Variants in MAP3K5 observed in about 807,000 individuals in gnomAD.
The protein encoded by MAP3K5 is mitogen-activated protein kinase kinase kinase 5, also known as ASK-1.
MAP3K5 carries 56 observed loss-of-function variants against 158.7 expected under a neutral mutation model. That is an observed-to-expected ratio of 0.35 (90% CI 0.28 to 0.44). The LOEUF (loss-of-function observed/expected upper bound fraction) is 0.44, where lower values mean the gene tolerates loss of function less well. Among genes scored for constraint, MAP3K5 ranks in the 20% least tolerant of loss-of-function variants. The probability of loss-of-function intolerance (pLI) is 1.00; values close to 1 mark genes in which losing one functional copy is unlikely to be tolerated. For missense variants in MAP3K5, 1,294 were observed against 1,674.8 expected (o/e 0.77, Z 3.97); for synonymous variants, 579 against 601.7 (o/e 0.96, Z 0.55).
chr6:136,567,990 G>T, intron 25 of MAP3K5, 116 bp from the exon 26 acceptor site: 1 of 1,168,592 alleles, frequency 8.6e-7, no homozygotes, highest in Non-Finnish European at 1.2e-6. Flanking sequence ...ATTCCAAACT[G>T]CTTTTCCAAA....
intron 11 of MAP3K5, among the ~76,000 whole-genome samples, chr6:136,649,124 C>T (rs572659078): frequency 2.0e-4 from 31 of 152,278 alleles, no homozygotes; most frequent in African/African-American, 7.5e-4. Flanking sequence ...CAAGTGCCAC[C>T]ACGCCCGGCT....
intron 15 of MAP3K5, among the ~76,000 whole-genome samples, chr6:136,617,980 C>A (rs1409734159): frequency 6.6e-6 from 1 of 152,056 alleles, no homozygotes; most frequent in Non-Finnish European, 1.5e-5. Flanking sequence ...TGTAGAATAT[C>A]AGAAGAGAAA....
chr6:136,706,004 T>C (rs965664643), intron 2 of MAP3K5, among the ~76,000 whole-genome samples: 53 of 152,192 alleles, frequency 3.5e-4, no homozygotes, highest in African/African-American at 1.3e-3. Context: ...ATGCCTGTAA[T>C]CCCAGCACTT....
chr6:136,730,048 C>G (rs779067455), intron 1 of MAP3K5, among the ~76,000 whole-genome samples: 1 of 152,208 alleles, frequency 6.6e-6, no homozygotes, highest in Non-Finnish European at 1.5e-5. Context: ...TCACGGCTCA[C>G]TGCAGCCTCC....
chr6:136,733,363 C>G (rs968123601), intron 1 of MAP3K5, among the ~76,000 whole-genome samples: 1 of 152,212 alleles, frequency 6.6e-6, no homozygotes, highest in Admixed American at 6.5e-5. Context: ...AATACTGTCA[C>G]TGGGTTGTCT....
At chr6:136,596,225 G>A (rs185421687) in intron 21 of MAP3K5, among the ~76,000 whole-genome samples, 1 of 152,162 alleles carries the variant, frequency 6.6e-6, no homozygotes, top group Non-Finnish European at 1.5e-5. Flanking sequence ...GCAGCCATGA[G>A]GTTGGAGGAA....
At chr6:136,684,228 T>TA (rs888021894) in intron 7 of MAP3K5, among the ~76,000 whole-genome samples, 13 of 148,848 alleles carry the variant, frequency 8.7e-5, no homozygotes, top group East Asian at 2.0e-4. Flanking sequence ...ATTTTTTTTT[T>TA]AAAAAAAAAA....
chr6:136,615,699 C>T (rs1776532642), intron 15 of MAP3K5, among the ~76,000 whole-genome samples: 1 of 152,088 alleles, frequency 6.6e-6, no homozygotes, highest in African/African-American at 2.4e-5. Flanking sequence ...AAAGCAATTC[C>T]TCGAGATATA....
At chr6:136,700,465 T>C (rs1780804330) in intron 3 of MAP3K5, among the ~76,000 whole-genome samples, 1 of 152,196 alleles carries the variant, frequency 6.6e-6, no homozygotes, top group Non-Finnish European at 1.5e-5. Flanking sequence ...GTGGTATCAT[T>C]AACAGAAAGC....
At chr6:136,655,895 G>A (rs187470018) in intron 10 of MAP3K5, among the ~76,000 whole-genome samples, 113 of 152,218 alleles carry the variant, frequency 7.4e-4, no homozygotes, top group African/African-American at 2.6e-3. Flanking sequence ...ATGGGTGGTG[G>A]GGATGGGATA....
intron 27 of MAP3K5, among the ~76,000 whole-genome samples, chr6:136,562,036 T>C (rs1195442353): frequency 6.6e-6 from 1 of 152,198 alleles, no homozygotes; most frequent in East Asian, 1.9e-4. Context: ...TCTAAACAAA[T>C]AACTATGAAT....
At chr6:136,634,648 C>T (rs1473942596) in intron 14 of MAP3K5, among the ~76,000 whole-genome samples, 2 of 150,424 alleles carry the variant, frequency 1.3e-5, no homozygotes, top group African/African-American at 2.5e-5. Flanking sequence ...GGTGCGATCT[C>T]GGCTCACTGC....
rs1356428959 is a variant in MAP3K5 at position 136,746,324 on chromosome 6, T to C, written c.449-25735A>G. 2.0e-5 allele frequency among the ~76,000 whole-genome samples: 3 copies of C among 152,202 alleles called. No homozygotes were observed. In the East Asian group the frequency reaches 5.8e-4, roughly 29 times the overall value. ...GAAAATACAAATACGTTCATGTCTG[T>C]AGGTCTGTGAAAAACGATACAGGTG... On this transcript the variant is annotated intron_variant, in intron 1 of 29. Coordinates refer to ENST00000359015, the MANE Select transcript of MAP3K5 (RefSeq NM_005923.4).
intron 1 of MAP3K5, among the ~76,000 whole-genome samples, chr6:136,754,957 C>T (rs6925296): frequency 0.049 from 7,530 of 152,142 alleles, 621 homozygotes; most frequent in African/African-American, 0.17. Context: ...AGGTTGTCGT[C>T]TCCTCCTCAA....
chr6:136,570,608 A>T (rs9376202), intron 25 of MAP3K5, among the ~76,000 whole-genome samples: 3,165 of 152,298 alleles, frequency 0.021, 57 homozygotes, highest in East Asian at 0.073. Context: ...GTTTACATAG[A>T]CCTGGCTTTC....
chr6:136,695,937 C>G lies in MAP3K5; in HGVS notation c.1082+14G>C. On this transcript the variant is annotated intron_variant, in intron 6 of 29. Transcript: ENST00000359015. ...TATGTTAACGCATTCTGGAAGGGAA[C>G]TTTTTCTTCTTACCTATTCAGTGCA... The G allele has an allele frequency of 6.5e-7, 1 of 1,543,944 alleles. No individual in the cohort carries two copies.
chr6:136,648,165 T>C (rs1583340530), intron 11 of MAP3K5, among the ~76,000 whole-genome samples: 1 of 152,200 alleles, frequency 6.6e-6, no homozygotes, highest in South Asian at 2.1e-4. Context: ...GGCAAGGAAG[T>C]TTTCTGTTAT....
intron 25 of MAP3K5, among the ~76,000 whole-genome samples, chr6:136,579,455 C>A (rs937226721): frequency 6.6e-6 from 1 of 152,122 alleles, no homozygotes; most frequent in Non-Finnish European, 1.5e-5. Context: ...GGCTACTCAT[C>A]GACATGACCT....
intron 7 of MAP3K5, among the ~76,000 whole-genome samples, chr6:136,678,519 G>A (rs776255152): frequency 2.0e-4 from 31 of 152,060 alleles, no homozygotes; most frequent in Non-Finnish European, 4.0e-4. Context: ...ATGATTAAAA[G>A]TGCAAAACTA....
Sources: allele counts gnomAD v4.1 joint callset (sites outside exome capture counted in the v4.1 genomes callset), GRCh38; gene constraint gnomAD v4.1.1; transcripts MANE v1.5; gene names NCBI Gene and HGNC (gene_info 2026-07-23, HGNC 2026-07-21).